The following DCC variants were observed in gnomAD, a reference collection of about 807,000 sequenced individuals.
The protein encoded by DCC is DCC netrin 1 receptor, also known as netrin receptor DCC.
In DCC, 58 loss-of-function variants were observed where a neutral mutation model predicts 172.5. The observed-to-expected ratio is 0.34, with a 90% CI of 0.27 to 0.42. The LOEUF (loss-of-function observed/expected upper bound fraction) is 0.42. Ranked by LOEUF, DCC falls within the 10% of genes least tolerant of loss-of-function variation. The pLI, the probability that DCC is intolerant of heterozygous loss-of-function variation, is 1.00. For synonymous variants in DCC, 709 were observed against 644.5 expected (o/e 1.10, Z -1.52); for missense variants, 1,740 against 1,791.0 (o/e 0.97, Z 0.51).
intron 5 of DCC, among the ~76,000 whole-genome samples, chr18:53,036,297 C>T (rs1407814521): frequency 6.6e-6 from 1 of 152,034 alleles, no homozygotes; most frequent in Non-Finnish European, 1.5e-5. Flanking sequence ...CAAGATTGAT[C>T]TATTAGGGCA....
intron 2 of DCC, among the ~76,000 whole-genome samples, chr18:52,895,846 GCAAT>G (rs989135873): frequency 3.9e-4 from 59 of 151,686 alleles, no homozygotes; most frequent in African/African-American, 1.4e-3. Flanking sequence ...GTGCAGTGGC[GCAAT>G]CTTGGCTTAT....
intron 3 of DCC, among the ~76,000 whole-genome samples, chr18:52,908,272 C>A (rs1400701540): frequency 6.6e-6 from 1 of 152,182 alleles, no homozygotes; most frequent in African/African-American, 2.4e-5. Context: ...TTTGCAGATT[C>A]TCTACTCCAT....
At chr18:52,807,463 G>A (rs748559282) in intron 2 of DCC, among the ~76,000 whole-genome samples, 3 of 152,130 alleles carry the variant, frequency 2.0e-5, no homozygotes, top group East Asian at 1.9e-4. Context: ...AGAAAGCTGC[G>A]TATATATAAA....
intron 2 of DCC, chr18:52,754,275 C>T (rs2145136437): frequency 6.6e-6 from 1 of 152,172 alleles, no homozygotes; most frequent in East Asian, 1.9e-4. Context: ...TGGTTAATTC[C>T]CATATGTAGC....
At chr18:52,640,475 A>G (rs769356604) in intron 1 of DCC, among the ~76,000 whole-genome samples, 1 of 152,174 alleles carries the variant, frequency 6.6e-6, no homozygotes, top group Non-Finnish European at 1.5e-5. Flanking sequence ...GACCTCCTCC[A>G]GAAAGCTCTT....
chr18:53,072,666 C>T (rs1027034249), intron 7 of DCC, among the ~76,000 whole-genome samples: 5 of 152,148 alleles, frequency 3.3e-5, no homozygotes, highest in Non-Finnish European at 7.3e-5. Context: ...TTCTACCATG[C>T]ACAAAATGGC....
intron 15 of DCC, among the ~76,000 whole-genome samples, chr18:53,358,346 T>G (rs1467520795): frequency 3.3e-5 from 5 of 152,020 alleles, no homozygotes. Flanking sequence ...ATTTTCCATA[T>G]GGCAGGCAGT....
At chr18:52,468,364 T>A (rs73461005) in intron 1 of DCC, among the ~76,000 whole-genome samples, 57,482 of 152,020 alleles carry the variant, frequency 0.38, 11,233 homozygotes, top group East Asian at 0.44. Flanking sequence ...GAGACAAAGA[T>A]GAAAGTATGA....
At chr18:52,661,260 G>A (rs534925447) in intron 1 of DCC, among the ~76,000 whole-genome samples, 7 of 152,124 alleles carry the variant, frequency 4.6e-5, no homozygotes, top group Non-Finnish European at 5.9e-5. Context: ...ACAGAAAACA[G>A]GTGAAAAGGG....
chr18:52,977,909 AAAAAG>A (rs202045570), intron 5 of DCC, among the ~76,000 whole-genome samples: 2,000 of 142,772 alleles, frequency 0.014, 40 homozygotes, highest in African/African-American at 0.047. Context: ...AAGAAAAAAG[AAAAAG>A]AAAAAAAAAG....
At chr18:52,468,345 C>A (rs867467256) in intron 1 of DCC, among the ~76,000 whole-genome samples, 6 of 152,262 alleles carry the variant, frequency 3.9e-5, no homozygotes, top group Middle Eastern at 3.4e-3. Context: ...TGGTAGAGCA[C>A]AAGGAGCAGA....
At chr18:53,320,555 A>G (rs1306563517) in intron 13 of DCC, among the ~76,000 whole-genome samples, 3 of 152,204 alleles carry the variant, frequency 2.0e-5, no homozygotes, top group Non-Finnish European at 1.5e-5. Context: ...TAAATGGTGA[A>G]AAAGATGAAC....
chr18:52,669,983 A>T (rs1032824973), intron 1 of DCC, among the ~76,000 whole-genome samples: 1 of 152,184 alleles, frequency 6.6e-6, no homozygotes, highest in African/African-American at 2.4e-5. Flanking sequence ...ACTAAATGAG[A>T]TGTAGGACTG....
At chr18:52,395,481 G>A (rs971329817) in intron 1 of DCC, among the ~76,000 whole-genome samples, 7 of 151,886 alleles carry the variant, frequency 4.6e-5, no homozygotes, top group Non-Finnish European at 1.0e-4. Flanking sequence ...AAACAGCTTC[G>A]GGGTTGGTAA....
At chr18:52,481,287 G>C (rs1217774154) in intron 1 of DCC, among the ~76,000 whole-genome samples, 1 of 149,854 alleles carries the variant, frequency 6.7e-6, no homozygotes, top group Non-Finnish European at 1.5e-5. Context: ...GTGGCTGCAA[G>C]GCTGTATTCC....
In DCC at chr18:52,838,140, C is replaced by T. The variant is rs945020121; in HGVS notation, c.413-67904C>T. 4.6e-5 allele frequency among the ~76,000 whole-genome samples: 7 copies of T among 152,134 alleles called. No homozygotes were observed. The East Asian group carries it at 7.7e-4, about 17-fold the overall frequency. On this transcript the variant is annotated intron_variant, in intron 2 of 28. Transcript: ENST00000442544. ...GTGAGGACGCAGCCAAACGATATCA[C>T]TCTGTTTATTAAATTGTTCATCTAC...
intron 1 of DCC, among the ~76,000 whole-genome samples, chr18:52,701,801 C>T (rs1030381809): frequency 6.6e-6 from 1 of 152,104 alleles, no homozygotes; most frequent in African/African-American, 2.4e-5. Context: ...TATTGTACAC[C>T]CTCTCCAAGA....
chr18:53,063,477 T>C lies in DCC; in HGVS notation c.1140+18T>C, dbSNP rs1254639425. The C allele has an allele frequency of 1.3e-6, 2 of 1,558,912 alleles. No individual in the cohort carries two copies. Among genetic ancestry groups the C allele is most frequent in the Non-Finnish European group, 1.8e-6 (2 of 1,130,608 alleles). ...AGATAGTGGTAATTATTTTGTTTCATATTTGTTTTATAATCCCATTCATTG... is the reference window on the plus strand; with the variant it reads ...AGATAGTGGTAATTATTTTGTTTCACATTTGTTTTATAATCCCATTCATTG... On this transcript the variant is annotated intron_variant, in intron 6 of 28. Coordinates refer to ENST00000442544, the MANE Select transcript of DCC (RefSeq NM_005215.4).
intron 15 of DCC, among the ~76,000 whole-genome samples, chr18:53,348,854 C>A (rs745600259): frequency 6.6e-6 from 1 of 152,164 alleles, no homozygotes; most frequent in African/African-American, 2.4e-5. Flanking sequence ...ACCCTGGGCC[C>A]AGCCCACAGA....
Sources: gnomAD v4.1 joint callset for allele counts (sites outside exome capture counted in the v4.1 genomes callset) on GRCh38, gnomAD v4.1.1 for gene constraint, MANE v1.5 for transcripts, NCBI Gene and HGNC (gene_info 2026-07-23, HGNC 2026-07-21) for gene names.